The following ODF2L variants were observed in gnomAD, a reference collection of about 807,000 sequenced individuals.
The protein encoded by ODF2L is protein BCAP.
In ODF2L, 76 loss-of-function variants were observed where a neutral mutation model predicts 86.3. That is an observed-to-expected ratio of 0.88 (90% CI 0.73 to 1.07). The LOEUF is 1.07. Ranked by LOEUF, ODF2L falls within the 50% of genes least tolerant of loss-of-function variation. The pLI, the probability that ODF2L is intolerant of heterozygous loss-of-function variation, is 0.00. For missense variants in ODF2L, 748 were observed against 717.4 expected, an observed-to-expected ratio of 1.04 and a Z score of -0.49; for synonymous variants, 241 against 231.3, an observed-to-expected ratio of 1.04 and a Z score of -0.38.
At chr1:86,352,286 G>A (rs1658190564) in intron 17 of ODF2L, 13 of 1,382,912 alleles carry the variant, frequency 9.4e-6, no homozygotes, top group Non-Finnish European at 1.2e-5. Flanking sequence ...CATGAGTAAT[G>A]CTAGCTTTCA....
intron 8 of ODF2L, chr1:86,375,133 C>T (rs1004970052): frequency 3.9e-5 from 6 of 151,922 alleles, no homozygotes; most frequent in African/African-American, 1.5e-4. Context: ...AAAGGCCTCT[C>T]TGAAGAGATG....
intron 2 of ODF2L, 67 bp from the exon 3 acceptor site, chr1:86,385,657 G>A (rs916697431): frequency 1.4e-5 from 18 of 1,250,658 alleles, no homozygotes; most frequent in Non-Finnish European, 2.1e-5. Flanking sequence ...CCTCAGAAAT[G>A]CCATATCACC....
chr1:86,382,405 T>C lies in ODF2L; in HGVS notation c.508-47A>G. 1.9e-6 allele frequency: 3 copies of C among 1,602,354 alleles called. 1 individual carries two copies. The South Asian group carries it at 3.4e-5, about 18-fold the overall frequency. Reference sequence around the variant, plus strand: ...AACCAAAAAAATCCATATTATTTGCTGTATCCCCAGCCCAATATCTTTAAT... The same window carrying C: ...AACCAAAAAAATCCATATTATTTGCCGTATCCCCAGCCCAATATCTTTAAT... On this transcript the variant is annotated intron_variant, in intron 6 of 17. Coordinates refer to ENST00000317336, the Ensembl canonical transcript of ODF2L.
At chr1:86,380,139 T>C (rs1660464614) in intron 7 of ODF2L, among the ~76,000 whole-genome samples, 1 of 152,174 alleles carries the variant, frequency 6.6e-6, no homozygotes, top group Admixed American at 6.5e-5. Flanking sequence ...TAGAAAGCCA[T>C]TTTAATTTTT....
In ODF2L at chr1:86,387,519, A is replaced by G. The variant is rs563762369; in HGVS notation, c.-59-433T>C. Among the ~76,000 whole-genome samples the G allele has an allele frequency of 2.6e-5, 4 of 152,316 alleles. No individual in the cohort carries two copies. In the South Asian group the frequency reaches 8.3e-4, roughly 32 times the overall value. On this transcript the variant is annotated intron_variant, in intron 1 of 17. Transcript: ENST00000317336. ...CAACTTTTCAAAGTACTTGGCAACA[A>G]TAGCTACAAAGGATAGGATACTCAA...
chr1:86,387,223 T>C (rs190161479), intron 1 of ODF2L, 137 bp from the exon 2 acceptor site: 31 of 428,490 alleles, frequency 7.2e-5, no homozygotes, highest in Admixed American at 4.8e-4. Flanking sequence ...CTGCTACTCA[T>C]TGTTATAGTA....
In ODF2L at chr1:86,374,642, T is replaced by C. The variant is rs1286882787; in HGVS notation, c.810+1591A>G. On this transcript the variant is annotated intron_variant, in intron 8 of 17. Coordinates refer to ENST00000317336, the Ensembl canonical transcript of ODF2L. The stretch of plus-strand genomic sequence containing the variant: ...TTCCAAATCCCCATTTCTCCTTTCA[T>C]CTCTCCTTATAACATGCAGATAAAG... 3.9e-5 allele frequency among the ~76,000 whole-genome samples: 6 copies of C among 152,164 alleles called. No homozygotes were observed. The South Asian group carries it at 1.2e-3, about 32-fold the overall frequency.
downstream of ODF2L, chr1:86,349,014 T>C (rs1657951620): frequency 2.4e-6 from 2 of 847,278 alleles, no homozygotes. Context: ...TCACATCTGA[T>C]GTGTTCATTC....
chr1:86,363,503 G>A (rs1659188096), intron 11 of ODF2L, among the ~76,000 whole-genome samples: 2 of 152,044 alleles, frequency 1.3e-5, no homozygotes, highest in South Asian at 2.1e-4. Context: ...ACTTATAGTA[G>A]ACACATTTAA....
chr1:86,395,169 G>A (rs1661644875), intron 1 of ODF2L, among the ~76,000 whole-genome samples: 1 of 152,150 alleles, frequency 6.6e-6, no homozygotes, highest in African/African-American at 2.4e-5. Context: ...CCTTAACTCA[G>A]TTGCACTTAA....
Position 86,387,045 on chromosome 1 carries a change from T to TTA in ODF2L, c.-20_-19dup, listed in dbSNP as rs1459176629. The TTA allele has an allele frequency of 7.7e-7, 1 of 1,297,240 alleles. No homozygotes were observed. Among genetic ancestry groups the TTA allele is most frequent in the Non-Finnish European group, 1.1e-6 (1 of 930,402 alleles). 80.4% of individuals were successfully genotyped at this position (1,297,240 alleles called of 1,614,324 possible). On this transcript the variant is annotated 5_prime_UTR_variant, in exon 2 of 18. The change abolishes the stop of an existing upstream ORF in the 5' untranslated region. Coordinates refer to ENST00000317336, the Ensembl canonical transcript of ODF2L. The stretch of plus-strand genomic sequence containing the variant: ...TTCTCCATAAATTCAGTAAATGGAT[T>TTA]TATAGGTGGCTTCACAGCGACTTCT...
Position 86,383,129 on chromosome 1 carries a change from CT to C in ODF2L, c.435+4del. 6.5e-7 allele frequency: 1 copy of C among 1,542,748 alleles called. No individual in the cohort carries two copies. The highest frequency in any genetic ancestry group is 8.9e-7 in the Non-Finnish European group (1 of 1,122,674). ...TGGACACAAAGTAAGTGTGGAAAGACTTACAGTATTTTCACTTTCATTATCA... is the reference window on the plus strand; with the variant it reads ...TGGACACAAAGTAAGTGTGGAAAGACTACAGTATTTTCACTTTCATTATCA... On this transcript the variant is annotated splice_donor_region_variant and intron_variant, in intron 5 of 17. Coordinates refer to ENST00000317336, the Ensembl canonical transcript of ODF2L.
intron 6 of ODF2L, among the ~76,000 whole-genome samples, 200 bp from the exon 7 acceptor site, chr1:86,382,558 T>G (rs1660661576): frequency 1.3e-5 from 2 of 152,046 alleles, no homozygotes; most frequent in African/African-American, 4.8e-5. Flanking sequence ...CCAACATTTT[T>G]TATTTAATGG....
intron 7 of ODF2L, among the ~76,000 whole-genome samples, chr1:86,379,472 C>G (rs1191788342): frequency 6.6e-6 from 1 of 152,066 alleles, no homozygotes; most frequent in Non-Finnish European, 1.5e-5. Context: ...TATTATACAT[C>G]ATACTAGTTT....
At position 86,365,512 on chromosome 1, in the gene ODF2L, T is replaced by C. The variant is rs549534762; in HGVS notation, c.1143+3124A>G. Among the ~76,000 whole-genome samples the C allele has an allele frequency of 2.6e-5, 4 of 152,134 alleles. No homozygotes were observed. The South Asian group carries it at 8.3e-4, about 32-fold the overall frequency. ...TTAATATAGAGAGAATAAAACAGAA[T>C]GAAAAATGGGAAGATTAGTAATGTG... On this transcript the variant is annotated intron_variant, in intron 11 of 17. Coordinates refer to ENST00000317336, the Ensembl canonical transcript of ODF2L.
chr1:86,380,724 A>G (rs1280347968), intron 7 of ODF2L, among the ~76,000 whole-genome samples: 1 of 152,156 alleles, frequency 6.6e-6, no homozygotes, highest in African/African-American at 2.4e-5. Flanking sequence ...GTCTGTATAC[A>G]TGTCACATTT....
At chr1:86,379,161 C>A (rs777892188) in intron 7 of ODF2L, among the ~76,000 whole-genome samples, 1 of 152,080 alleles carries the variant, frequency 6.6e-6, no homozygotes, top group African/African-American at 2.4e-5. Flanking sequence ...TGAGCAGATG[C>A]CAGAATCATG....
At chr1:86,351,025 T>C (rs1396305575) in exon 18 of ODF2L, 1 of 152,204 alleles carries the variant, frequency 6.6e-6, no homozygotes, top group Non-Finnish European at 1.5e-5. Flanking sequence ...TGCAAAAATT[T>C]TCTCCCATTC....
downstream of ODF2L, chr1:86,348,667 TG>T: frequency 8.7e-7 from 1 of 1,153,360 alleles, no homozygotes; most frequent in Non-Finnish European, 1.1e-6. Context: ...AAAATGTAAC[TG>T]GTAGTATATT....
Sources: gnomAD v4.1 joint callset for allele counts (sites outside exome capture counted in the v4.1 genomes callset) on GRCh38, gnomAD v4.1.1 for gene constraint, MANE v1.5 for transcripts, NCBI Gene and HGNC (gene_info 2026-07-23, HGNC 2026-07-21) for gene names.